The following SRD5A2 variants were observed in gnomAD, a reference collection of about 807,000 sequenced individuals.
The protein encoded by SRD5A2 is steroid 5 alpha-reductase 2.
A neutral mutation model predicts 27.4 loss-of-function variants in SRD5A2; 30 were observed. That is an observed-to-expected ratio of 1.10 (90% confidence interval 0.82 to 1.49). The LOEUF (loss-of-function observed/expected upper bound fraction) is 1.49. Among genes scored for constraint, SRD5A2 ranks in the 40% most tolerant of loss-of-function variants. SRD5A2 has a pLI of 0.00. For synonymous variants in SRD5A2, 141 were observed against 133.6 expected (o/e 1.06, Z -0.38); for missense variants, 348 against 323.4 (o/e 1.08, Z -0.58).
intron 1 of SRD5A2, among the ~76,000 whole-genome samples, chr2:31,574,165 C>G (rs963657840): frequency 6.6e-6 from 1 of 152,194 alleles, no homozygotes; most frequent in East Asian, 1.9e-4. Context: ...GTCAGACTGA[C>G]GTTGCTGCCA....
chr2:31,562,600 T>C (rs1029778228), intron 1 of SRD5A2, among the ~76,000 whole-genome samples: 2 of 152,104 alleles, frequency 1.3e-5, no homozygotes, highest in African/African-American at 4.8e-5. Flanking sequence ...TTGAGAACTT[T>C]TAAAAAGTTT....
At chr2:31,606,960 A>G in the SRD5A2 span, among the ~76,000 whole-genome samples, 1 of 152,160 alleles carries the variant, frequency 6.6e-6, no homozygotes, top group South Asian at 2.1e-4. Flanking sequence ...ATTCATGAAT[A>G]TCTCAACAGA....
At chr2:31,622,895 A>G in the SRD5A2 span, among the ~76,000 whole-genome samples, 1 of 152,118 alleles carries the variant, frequency 6.6e-6, no homozygotes, top group African/African-American at 2.4e-5. Context: ...AGAGAAGATG[A>G]TGCTTCAAAA....
At chr2:31,595,900 A>G in the SRD5A2 span, among the ~76,000 whole-genome samples, 8 of 152,218 alleles carry the variant, frequency 5.3e-5, no homozygotes, top group Non-Finnish European at 1.0e-4. Flanking sequence ...TTGGCTTAAT[A>G]TATGCAAGTC....
chr2:31,574,458 G>T (rs1666915466), intron 1 of SRD5A2, among the ~76,000 whole-genome samples: 1 of 152,178 alleles, frequency 6.6e-6, no homozygotes, highest in Non-Finnish European at 1.5e-5. Flanking sequence ...CATTAAATTA[G>T]ATTTTAAATG....
the SRD5A2 span, among the ~76,000 whole-genome samples, chr2:31,605,235 A>G: frequency 6.6e-6 from 1 of 151,918 alleles, no homozygotes; most frequent in African/African-American, 2.4e-5. Context: ...ACATTGGTCT[A>G]GGGAAAGATT....
At chr2:31,633,883 C>A in the SRD5A2 span, among the ~76,000 whole-genome samples, 1 of 152,178 alleles carries the variant, frequency 6.6e-6, no homozygotes, top group South Asian at 2.1e-4. Context: ...AAAGAGAGCT[C>A]ACTAAAATGT....
At chr2:31,549,227 C>T (rs1221259554) in intron 1 of SRD5A2, among the ~76,000 whole-genome samples, 1 of 151,628 alleles carries the variant, frequency 6.6e-6, no homozygotes, top group Non-Finnish European at 1.5e-5. Context: ...ATTCTGCTGC[C>T]TCAGCCTCCC....
At chr2:31,625,267 G>A in the SRD5A2 span, among the ~76,000 whole-genome samples, 1,269 of 152,192 alleles carry the variant, frequency 8.3e-3, 6 homozygotes, top group African/African-American at 0.028. Context: ...TTAACCCTTC[G>A]TCAGATAGGT....
chr2:31,541,187 A>G (rs1251886464), intron 1 of SRD5A2, among the ~76,000 whole-genome samples: 1 of 152,188 alleles, frequency 6.6e-6, no homozygotes, highest in Admixed American at 6.5e-5. Context: ...TAAAGACCTT[A>G]TGTTTACACC....
intron 1 of SRD5A2, among the ~76,000 whole-genome samples, chr2:31,543,419 T>C (rs960385954): frequency 6.6e-6 from 1 of 152,190 alleles, no homozygotes; most frequent in African/African-American, 2.4e-5. Flanking sequence ...ATTATAACAA[T>C]GTTTCTTGAC....
chr2:31,570,151 C>G (rs1666822674), intron 1 of SRD5A2, among the ~76,000 whole-genome samples: 1 of 152,122 alleles, frequency 6.6e-6, no homozygotes, highest in Admixed American at 6.5e-5. Context: ...CAAACTTAAT[C>G]TGGTAGGACA....
chr2:31,604,307 A>G, the SRD5A2 span, among the ~76,000 whole-genome samples: 1 of 151,836 alleles, frequency 6.6e-6, no homozygotes, highest in South Asian at 2.1e-4. Flanking sequence ...AGAGAAAGAA[A>G]TACAGGGCCT....
chr2:31,548,489 T>C (rs1434631662), intron 1 of SRD5A2, among the ~76,000 whole-genome samples: 1 of 152,104 alleles, frequency 6.6e-6, no homozygotes, highest in Non-Finnish European at 1.5e-5. Flanking sequence ...ATGCTCAACA[T>C]CACTAATCTT....
At chr2:31,559,986 G>T (rs1477893703) in intron 1 of SRD5A2, among the ~76,000 whole-genome samples, 1 of 151,452 alleles carries the variant, frequency 6.6e-6, no homozygotes, top group Non-Finnish European at 1.5e-5. Context: ...GTTTGTGAAG[G>T]TACCTATAGA....
intron 1 of SRD5A2, among the ~76,000 whole-genome samples, chr2:31,548,016 T>C (rs1041629307): frequency 1.3e-5 from 2 of 152,082 alleles, no homozygotes; most frequent in African/African-American, 4.8e-5. Flanking sequence ...TTTCAGCAAA[T>C]CATGCTGGGA....
At chr2:31,642,202 T>C in the SRD5A2 span, among the ~76,000 whole-genome samples, 1 of 152,078 alleles carries the variant, frequency 6.6e-6, no homozygotes, top group African/African-American at 2.4e-5. Context: ...ACCAAACATA[T>C]GGATTTTTTA....
chr2:31,582,466 C>A (rs1325674276), upstream of SRD5A2, among the ~76,000 whole-genome samples: 2 of 151,506 alleles, frequency 1.3e-5, no homozygotes, highest in African/African-American at 4.8e-5. Context: ...TTTAATTGAT[C>A]ACCACTTTGG....
chr2:31,540,827 C>A (rs1461274189), intron 1 of SRD5A2, among the ~76,000 whole-genome samples: 1 of 152,216 alleles, frequency 6.6e-6, no homozygotes, highest in African/African-American at 2.4e-5. Flanking sequence ...TTGCACACAG[C>A]TTGAAGGAGC....
Sources: allele counts gnomAD v4.1 joint callset (sites outside exome capture counted in the v4.1 genomes callset), GRCh38; gene constraint gnomAD v4.1.1; transcripts MANE v1.5; gene names NCBI Gene and HGNC (gene_info 2026-07-23, HGNC 2026-07-21).